RERE: variants seen among roughly 807,000 people sequenced by gnomAD.
RERE encodes the protein arginine-glutamic acid dipeptide repeats protein.
RERE carries 40 observed loss-of-function variants against 146.1 expected under a neutral mutation model. The observed-to-expected ratio is 0.27, with a 90% CI of 0.21 to 0.36. RERE has a LOEUF of 0.36. RERE is among the 10% of genes least tolerant of loss of function. The pLI, the probability that RERE is intolerant of heterozygous loss-of-function variation, is 1.00. For missense variants in RERE, 1,933 were observed against 2,138.7 expected (o/e 0.90, Z 1.90); for synonymous variants, 1,003 against 866.0 (o/e 1.16, Z -2.78).
At chr1:8,768,277 A>G (rs532047091) in intron 1 of RERE, among the ~76,000 whole-genome samples, 91 of 152,330 alleles carry the variant, frequency 6.0e-4, no homozygotes, top group African/African-American at 2.2e-3. Context: ...ACACAGGAAT[A>G]CTCTGCACTC....
intron 1 of RERE, among the ~76,000 whole-genome samples, chr1:8,694,385 A>G (rs1639274795): frequency 6.6e-6 from 1 of 152,188 alleles, no homozygotes; most frequent in African/African-American, 2.4e-5. Flanking sequence ...TAATAGCCAT[A>G]AAGAAAGAAA....
intron 11 of RERE, among the ~76,000 whole-genome samples, chr1:8,449,514 A>C (rs1418440764): frequency 1.3e-5 from 2 of 152,168 alleles, no homozygotes; most frequent in Non-Finnish European, 2.9e-5. Context: ...GTCATGAAAA[A>C]ACTTCAAAGA....
intron 4 of RERE, among the ~76,000 whole-genome samples, chr1:8,573,414 GTTC>G (rs1646247743): frequency 6.6e-6 from 1 of 151,222 alleles, no homozygotes; most frequent in Admixed American, 6.6e-5. Flanking sequence ...GACTCTTTGA[GTTC>G]TTCTATAATA....
chr1:8,595,025 G>A (rs1231108951), intron 4 of RERE, among the ~76,000 whole-genome samples: 1 of 151,960 alleles, frequency 6.6e-6, no homozygotes, highest in Non-Finnish European at 1.5e-5. Context: ...CAGGTGTGGT[G>A]GCATGTGCTT....
At chr1:8,746,231 G>GT (rs1475971894) in intron 1 of RERE, among the ~76,000 whole-genome samples, 3 of 152,090 alleles carry the variant, frequency 2.0e-5, no homozygotes, top group Non-Finnish European at 2.9e-5. Context: ...CTATGTTAAC[G>GT]TAAATCATAG....
chr1:8,418,677 AT>A (rs1643843594), intron 12 of RERE, among the ~76,000 whole-genome samples: 1 of 152,246 alleles, frequency 6.6e-6, no homozygotes, highest in African/African-American at 2.4e-5. Flanking sequence ...TGCTTGAATA[AT>A]TATCTCATGA....
At chr1:8,798,102 T>C (rs28444676) in intron 1 of RERE, among the ~76,000 whole-genome samples, 1 of 152,022 alleles carries the variant, frequency 6.6e-6, no homozygotes, top group African/African-American at 2.4e-5. Flanking sequence ...CTATAAAAAA[T>C]TTAAAACTTA....
At chr1:8,386,011 TATATATATA>T (rs1557603187) in intron 12 of RERE, among the ~76,000 whole-genome samples, 2 of 42,704 alleles carry the variant, frequency 4.7e-5, no homozygotes, top group Non-Finnish European at 8.8e-5. Flanking sequence ...TATATATATA[TATATATATA>T]TATTTTTTTT....
In RERE at chr1:8,423,910, CCCA is replaced by C. The variant is rs1643962508; in HGVS notation, c.1204-1106_1204-1104del. 6.5e-6 allele frequency: 1 copy of C among 152,746 alleles called. No homozygotes were observed. Among genetic ancestry groups the C allele is most frequent in the African/African-American group, 2.4e-5 (1 of 41,236 alleles). 9.5% of individuals were successfully genotyped at this position (152,746 alleles called of 1,614,324 possible). On this transcript the variant is annotated intron_variant, in intron 11 of 22. Coordinates refer to ENST00000400908, the MANE Select transcript of RERE (RefSeq NM_001042681.2). The surrounding 1 kb of genome is among the most constrained non-coding windows in gnomAD (Gnocchi z 5.4). The stretch of plus-strand genomic sequence containing the variant: ...CCCCGGCCCCGCCCCCGGCCCGACC[CCCA>C]CCCCGAGGCCGGAGCCTCCAGGGCA...
At chr1:8,589,659 C>G (rs1478616538) in intron 4 of RERE, among the ~76,000 whole-genome samples, 1 of 152,170 alleles carries the variant, frequency 6.6e-6, no homozygotes, top group African/African-American at 2.4e-5. Context: ...GAAAGGCAAA[C>G]AAGAGTTTGC....
intron 1 of RERE, among the ~76,000 whole-genome samples, chr1:8,702,383 G>A (rs959744524): frequency 6.6e-6 from 1 of 152,192 alleles, no homozygotes; most frequent in African/African-American, 2.4e-5. Context: ...AACAAAAAGT[G>A]GTCAAGCAGG....
intron 4 of RERE, among the ~76,000 whole-genome samples, chr1:8,567,696 T>C (rs1358375987): frequency 1.3e-5 from 2 of 152,224 alleles, no homozygotes; most frequent in East Asian, 1.9e-4. Context: ...AGACAATTCA[T>C]TCTTGTATTT....
At chr1:8,533,562 G>A (rs1645685753) in intron 7 of RERE, among the ~76,000 whole-genome samples, 1 of 152,196 alleles carries the variant, frequency 6.6e-6, no homozygotes, top group Non-Finnish European at 1.5e-5. Flanking sequence ...TTACTGGCAT[G>A]AGACCACTTT....
At chr1:8,713,837 A>C (rs1639714036) in intron 1 of RERE, among the ~76,000 whole-genome samples, 2 of 152,184 alleles carry the variant, frequency 1.3e-5, no homozygotes, top group East Asian at 1.9e-4. Flanking sequence ...TTATTTCAAA[A>C]ATTACAATTT....
chr1:8,600,750 CTTTTTTTT>C (rs59816060), intron 4 of RERE, among the ~76,000 whole-genome samples: 7 of 113,442 alleles, frequency 6.2e-5, no homozygotes, highest in African/African-American at 1.4e-4. Flanking sequence ...CAAGCCAATA[CTTTTTTTT>C]TTTTTTTTTT....
intron 4 of RERE, among the ~76,000 whole-genome samples, chr1:8,572,381 A>C (rs1403450117): frequency 6.6e-6 from 1 of 152,214 alleles, no homozygotes; most frequent in Non-Finnish European, 1.5e-5. Flanking sequence ...AATATGGAGA[A>C]AAACAATTCA....
chr1:8,625,108 G>A (rs1293270508), intron 2 of RERE, among the ~76,000 whole-genome samples: 2 of 152,104 alleles, frequency 1.3e-5, no homozygotes, highest in Non-Finnish European at 2.9e-5. Flanking sequence ...TCAATGACTG[G>A]AGTGTAAAGC....
intron 7 of RERE, among the ~76,000 whole-genome samples, chr1:8,520,703 G>C (rs998017498): frequency 7.3e-6 from 1 of 137,226 alleles, no homozygotes; most frequent in Admixed American, 8.4e-5. Context: ...TAGGGGCTGC[G>C]GCCTAACAAA....
intron 1 of RERE, among the ~76,000 whole-genome samples, chr1:8,782,330 C>G (rs1226255899): frequency 6.6e-6 from 1 of 152,098 alleles, no homozygotes; most frequent in Non-Finnish European, 1.5e-5. Context: ...TGGTTTTCCT[C>G]CTTTTTTGCT....
Sources: allele counts gnomAD v4.1 joint callset (sites outside exome capture counted in the v4.1 genomes callset), GRCh38; gene constraint gnomAD v4.1.1; non-coding constraint Gnocchi (gnomAD v3.1); transcripts MANE v1.5; gene names NCBI Gene and HGNC (gene_info 2026-07-23, HGNC 2026-07-21).